The following CEP85L variants were observed in gnomAD, a reference collection of about 807,000 sequenced individuals.
The protein encoded by CEP85L is centrosomal protein of 85 kDa-like.
CEP85L carries 60 observed loss-of-function variants against 100.3 expected under a neutral mutation model. The ratio of observed to expected loss-of-function variants is 0.60; its 90% CI spans 0.49 to 0.74. The LOEUF (loss-of-function observed/expected upper bound fraction) is 0.74. CEP85L is among the 30% of genes least tolerant of loss of function. The pLI, the probability that CEP85L is intolerant of heterozygous loss-of-function variation, is 0.00. For missense variants in CEP85L, 973 were observed against 936.2 expected (o/e 1.04, Z -0.51); for synonymous variants, 319 against 322.7 (o/e 0.99, Z 0.12).
At chr6:118,587,750 G>C (rs750722539) in intron 2 of CEP85L, among the ~76,000 whole-genome samples, 2 of 152,206 alleles carry the variant, frequency 1.3e-5, no homozygotes, top group Middle Eastern at 3.4e-3. Context: ...GGCATATTAC[G>C]TCTCTAATTT....
intron 3 of CEP85L, chr6:118,559,064 T>C: frequency 6.2e-7 from 1 of 1,611,670 alleles, no homozygotes. Flanking sequence ...ATCTGTATCA[T>C]CGTGATGCTT....
intron 2 of CEP85L, among the ~76,000 whole-genome samples, chr6:118,601,556 T>C (rs1215128598): frequency 6.6e-6 from 1 of 152,200 alleles, no homozygotes; most frequent in African/African-American, 2.4e-5. Flanking sequence ...GTATCATCCT[T>C]ATTTATTTGA....
At chr6:118,539,505 T>G (rs1777785612) in intron 3 of CEP85L, among the ~76,000 whole-genome samples, 1 of 152,244 alleles carries the variant, frequency 6.6e-6, no homozygotes, top group Admixed American at 6.5e-5. Flanking sequence ...ACAAATATGT[T>G]AAGGGACCAA....
chr6:118,637,304 A>G lies in CEP85L; in HGVS notation c.74-4693T>C, dbSNP rs572619440. On this transcript the variant is annotated intron_variant, in intron 1 of 12. Coordinates refer to ENST00000368491, the MANE Select transcript of CEP85L (RefSeq NM_001042475.3). ...TTTTATTTAGCAACTCAGGGAAATG[A>G]TCTTCCTAAAATTTCTTTCAGTGTA... Among the ~76,000 whole-genome samples, 14 of 152,342 alleles carry G rather than the reference A, an allele frequency of 9.2e-5. No homozygotes were observed. In the South Asian group the frequency reaches 2.5e-3, roughly 27 times the overall value.
chr6:118,529,608 CAAAAAAAAAAAAAAAAAA>C (rs55732442), intron 3 of CEP85L, among the ~76,000 whole-genome samples: 4 of 92,490 alleles, frequency 4.3e-5, no homozygotes. Context: ...ACTCTGTCTC[CAAAAAAAAAAAAAAAAAA>C]AAAAAAAAAA....
intron 2 of CEP85L, among the ~76,000 whole-genome samples, chr6:118,605,629 C>T (rs1772141966): frequency 2.0e-5 from 3 of 152,012 alleles, no homozygotes; most frequent in African/African-American, 4.8e-5. Flanking sequence ...GGGTTTTTTC[C>T]CTAAACAGGG....
chr6:118,562,616 C>T (rs1178186986), intron 3 of CEP85L, among the ~76,000 whole-genome samples: 1 of 152,148 alleles, frequency 6.6e-6, no homozygotes, highest in African/African-American at 2.4e-5. Context: ...CCCCATCAGC[C>T]TCCCAAAGTG....
rs528419667 is a variant in CEP85L at position 118,518,413 on chromosome 6, T to C, written c.1139+5389A>G. 1.3e-3 allele frequency among the ~76,000 whole-genome samples: 202 copies of C among 152,344 alleles called. No homozygotes were observed. The Middle Eastern group carries it at 0.014, about 10-fold the overall frequency. On this transcript the variant is annotated intron_variant, in intron 4 of 12. Transcript: ENST00000368491. ...ATTACTGCCTCAATTTCAGAACTTG[T>C]TATTGATCCATTCAGGGATTTGACT...
rs1774572950 is a variant in CEP85L at position 118,491,567 on chromosome 6, C to T, written c.1437+119G>A. ...TCTCAAAAGTTACTACAAAATTAAT[C>T]ACCTCCACATAAATGTATACATAAC... On this transcript the variant is annotated intron_variant, in intron 6 of 12. Transcript: ENST00000368491. 5 of 1,431,944 alleles carry T rather than the reference C, an allele frequency of 3.5e-6. No homozygotes were observed. In the South Asian group the frequency reaches 8.1e-5, roughly 23 times the overall value. 88.7% of individuals were successfully genotyped at this position (1,431,944 alleles called of 1,614,324 possible). A position where few individuals can be genotyped will look rare whatever the true frequency, so the allele number is the denominator to read the frequency against.
At chr6:118,544,494 A>G (rs991843727) in intron 3 of CEP85L, among the ~76,000 whole-genome samples, 33 of 152,314 alleles carry the variant, frequency 2.2e-4, no homozygotes, top group African/African-American at 7.5e-4. Flanking sequence ...GTATACTGAT[A>G]AACCATAATT....
intron 1 of CEP85L, among the ~76,000 whole-genome samples, chr6:118,657,574 C>A (rs1562344747): frequency 6.6e-6 from 1 of 152,202 alleles, no homozygotes; most frequent in Non-Finnish European, 1.5e-5. Flanking sequence ...CAAGATCACA[C>A]CACTGCACTC....
upstream of CEP85L, among the ~76,000 whole-genome samples, chr6:118,655,726 A>G (rs1279129214): frequency 6.6e-6 from 1 of 152,232 alleles, no homozygotes; most frequent in East Asian, 1.9e-4. Context: ...ATTGAGATGT[A>G]CTCAGTGGAA....
At chr6:118,608,388 G>A (rs1003320738) in intron 2 of CEP85L, among the ~76,000 whole-genome samples, 83 of 152,092 alleles carry the variant, frequency 5.5e-4, no homozygotes, top group African/African-American at 1.9e-3. Context: ...CCAGCTACTC[G>A]GGAGGCTGAG....
intron 5 of CEP85L, among the ~76,000 whole-genome samples, chr6:118,503,292 G>C (rs977984253): frequency 2.0e-5 from 3 of 152,150 alleles, no homozygotes; most frequent in Admixed American, 6.5e-5. Context: ...GTTCTAAGAA[G>C]AACTAAATAA....
chr6:118,594,587 C>T (rs944995260), intron 2 of CEP85L, among the ~76,000 whole-genome samples: 3 of 151,938 alleles, frequency 2.0e-5, no homozygotes, highest in Non-Finnish European at 4.4e-5. Context: ...TTTAAGAACT[C>T]GCCGGGCACG....
At chr6:118,508,877 T>TA (rs1358719598) in intron 5 of CEP85L, among the ~76,000 whole-genome samples, 1 of 152,070 alleles carries the variant, frequency 6.6e-6, no homozygotes, top group South Asian at 2.1e-4. Flanking sequence ...GATCCAAAGT[T>TA]AAAAAAATCC....
chr6:118,573,909 T>C (rs1780060602), intron 2 of CEP85L: 1 of 152,210 alleles, frequency 6.6e-6, no homozygotes. Flanking sequence ...ATAAAATTCA[T>C]AAAAGAAATC....
At chr6:118,578,043 T>G (rs555418309) in intron 2 of CEP85L, among the ~76,000 whole-genome samples, 4 of 152,118 alleles carry the variant, frequency 2.6e-5, no homozygotes, top group South Asian at 2.1e-4. Context: ...TTAAAGAAAT[T>G]TGAAGGGGAA....
At chr6:118,631,391 A>C (rs1774135932) in intron 2 of CEP85L, among the ~76,000 whole-genome samples, 1 of 152,176 alleles carries the variant, frequency 6.6e-6, no homozygotes, top group South Asian at 2.1e-4. Flanking sequence ...TGGTACAGTC[A>C]CTCTAGAAAA....
Sources: gnomAD v4.1 joint callset for allele counts (sites outside exome capture counted in the v4.1 genomes callset) on GRCh38, gnomAD v4.1.1 for gene constraint, MANE v1.5 for transcripts, NCBI Gene and HGNC (gene_info 2026-07-23, HGNC 2026-07-21) for gene names.